Variants in UQCC1 observed in about 807,000 individuals in gnomAD.
UQCC1 encodes ubiquinol-cytochrome c reductase complex assembly factor 1, also known as bFGF-repressed Zic-binding protein.
Under a neutral mutation model 48.0 loss-of-function variants are expected in UQCC1, and 38 were observed. The ratio of observed to expected loss-of-function variants is 0.79; its 90% CI spans 0.61 to 1.04. The LOEUF is 1.04. Ranked by LOEUF, UQCC1 falls within the 50% of genes least tolerant of loss-of-function variation. UQCC1 has a pLI of 0.00. For synonymous variants in UQCC1, 111 were observed against 129.2 expected (o/e 0.86, Z 0.95); for missense variants, 368 against 381.8 (o/e 0.96, Z 0.30).
chr20:35,323,047 C>A (rs1568656055), intron 7 of UQCC1, among the ~76,000 whole-genome samples: 1 of 152,096 alleles, frequency 6.6e-6, no homozygotes, highest in Non-Finnish European at 1.5e-5. Flanking sequence ...CGGGGTTTCA[C>A]CGTGTTAGCC....
intron 6 of UQCC1, among the ~76,000 whole-genome samples, chr20:35,358,391 A>T (rs2061571158): frequency 6.8e-6 from 1 of 146,838 alleles, no homozygotes; most frequent in Non-Finnish European, 1.5e-5. Context: ...GCAAAGTATC[A>T]GTGTGCCAAT....
chr20:35,369,316 T>C (rs963057336), intron 5 of UQCC1, among the ~76,000 whole-genome samples: 1 of 152,238 alleles, frequency 6.6e-6, no homozygotes, highest in Non-Finnish European at 1.5e-5. Flanking sequence ...AGTAACACCA[T>C]TGACTGTTGA....
intron 1 of UQCC1, 24 bp downstream of exon 1, chr20:35,411,916 G>T: frequency 1.2e-6 from 2 of 1,614,092 alleles, no homozygotes; most frequent in Non-Finnish European, 1.7e-6. Context: ...GAGAGCTACC[G>T]TAGAAAATTA....
intron 1 of UQCC1, among the ~76,000 whole-genome samples, chr20:35,407,077 C>G (rs1238554935): frequency 6.6e-6 from 1 of 152,106 alleles, no homozygotes; most frequent in Non-Finnish European, 1.5e-5. Flanking sequence ...AGAAAACTTA[C>G]GGGAATGGCT....
In UQCC1 at chr20:35,361,796, A is replaced by G. The variant is rs565822021; in HGVS notation, c.464+4761T>C. ...TAAAGTAGTTGTGAGCATGTGTGAA[A>G]TAATGTATGTAAATAAATAAATGAT... On this transcript the variant is annotated intron_variant, in intron 6 of 9. Coordinates refer to ENST00000374385, the MANE Select transcript of UQCC1 (RefSeq NM_018244.5). Among the ~76,000 whole-genome samples, 6 of 152,208 alleles carry G rather than the reference A, an allele frequency of 3.9e-5. No homozygotes were observed. In the South Asian group the frequency reaches 1.2e-3, roughly 32 times the overall value.
chr20:35,320,224 T>C (rs1356802146), intron 7 of UQCC1, among the ~76,000 whole-genome samples: 2 of 152,214 alleles, frequency 1.3e-5, no homozygotes, highest in African/African-American at 4.8e-5. Context: ...CCCAAAGTGA[T>C]TCAAGTCTGG....
rs181567402 is a variant in UQCC1 at position 35,372,193 on chromosome 20, T to A, written c.406+1991A>T. Among the ~76,000 whole-genome samples the A allele has an allele frequency of 2.6e-5, 4 of 151,572 alleles. No individual in the cohort carries two copies. In the East Asian group the frequency reaches 7.8e-4, roughly 30 times the overall value. On this transcript the variant is annotated intron_variant, in intron 5 of 9. Coordinates refer to ENST00000374385, the MANE Select transcript of UQCC1 (RefSeq NM_018244.5). ...CGGGCATGGTAGCACATGCCTGTAATCCCAGCTACTTGGGAGGCTGAGGCA... is the reference window on the plus strand; with the variant it reads ...CGGGCATGGTAGCACATGCCTGTAAACCCAGCTACTTGGGAGGCTGAGGCA...
intron 4 of UQCC1, among the ~76,000 whole-genome samples, chr20:35,376,908 C>CCA (rs1253053174): frequency 6.6e-6 from 1 of 151,650 alleles, no homozygotes; most frequent in Non-Finnish European, 1.5e-5. Context: ...GCTGAGTGCG[C>CCA]CACTGCACTC....
chr20:35,344,052 T>A (rs1015286831), intron 7 of UQCC1: 146 of 152,342 alleles, frequency 9.6e-4, no homozygotes, highest in African/African-American at 3.3e-3. Context: ...GATCAGAGAC[T>A]AATAAAGCAG....
At chr20:35,333,690 C>T (rs1453907950) in intron 7 of UQCC1, among the ~76,000 whole-genome samples, 8 of 152,138 alleles carry the variant, frequency 5.3e-5, no homozygotes, top group Non-Finnish European at 8.8e-5. Context: ...CAAACTACTG[C>T]GGTGTACAGA....
chr20:35,399,204 C>G (rs1307463984), intron 1 of UQCC1, among the ~76,000 whole-genome samples: 1 of 152,134 alleles, frequency 6.6e-6, no homozygotes, highest in Admixed American at 6.5e-5. Context: ...CTGTTATGAA[C>G]AACTGTTACC....
intron 1 of UQCC1, among the ~76,000 whole-genome samples, chr20:35,403,705 T>C (rs1367883565): frequency 2.0e-5 from 3 of 152,144 alleles, no homozygotes; most frequent in African/African-American, 7.2e-5. Context: ...ATGTGGCACA[T>C]ATACACCATG....
intron 5 of UQCC1, among the ~76,000 whole-genome samples, chr20:35,370,234 CTT>C (rs200297507): frequency 3.2e-5 from 4 of 125,066 alleles, no homozygotes; most frequent in Non-Finnish European, 3.8e-5. Flanking sequence ...TCTCTTGTTT[CTT>C]TTTTTTTTTT....
At chr20:35,407,584 T>G (rs995417393) in intron 1 of UQCC1, among the ~76,000 whole-genome samples, 1 of 152,194 alleles carries the variant, frequency 6.6e-6, no homozygotes, top group Admixed American at 6.6e-5. Context: ...GGGATTGATA[T>G]TCAAAATATA....
At chr20:35,326,414 G>A (rs1208917196) in intron 7 of UQCC1, among the ~76,000 whole-genome samples, 1 of 152,192 alleles carries the variant, frequency 6.6e-6, no homozygotes, top group Admixed American at 6.5e-5. Flanking sequence ...TATGATTTTA[G>A]CAATCACCAT....
intron 6 of UQCC1, among the ~76,000 whole-genome samples, chr20:35,352,912 T>C (rs1193299763): frequency 1.3e-5 from 2 of 152,124 alleles, no homozygotes; most frequent in African/African-American, 4.8e-5. Flanking sequence ...CTCGAATTCC[T>C]GGGCTCAAGT....
chr20:35,357,797 C>T (rs1273211968), intron 6 of UQCC1, among the ~76,000 whole-genome samples: 1 of 152,050 alleles, frequency 6.6e-6, no homozygotes, highest in African/African-American at 2.4e-5. Flanking sequence ...CAACACCTGT[C>T]ACAGACTCTG....
intron 7 of UQCC1, among the ~76,000 whole-genome samples, chr20:35,327,522 GT>G (rs1297424656): frequency 6.6e-6 from 1 of 152,168 alleles, no homozygotes; most frequent in Admixed American, 6.5e-5. Flanking sequence ...CCTAGTCCAA[GT>G]TTTTTTGTTT....
At chr20:35,388,308 T>TTTTTTTTTTTTTTTTTTG (rs67663221) in intron 2 of UQCC1, among the ~76,000 whole-genome samples, 1 of 121,248 alleles carries the variant, frequency 8.2e-6, no homozygotes, top group African/African-American at 3.2e-5. Context: ...TCTTTTTTTT[T>TTTTTTTTTTTTTTTTTTG]GAGACAGGGT....
Sources: allele counts gnomAD v4.1 joint callset (sites outside exome capture counted in the v4.1 genomes callset), GRCh38; gene constraint gnomAD v4.1.1; transcripts MANE v1.5; gene names NCBI Gene and HGNC (gene_info 2026-07-23, HGNC 2026-07-21).